CNTN5: variants seen among roughly 807,000 people sequenced by gnomAD.
CNTN5 encodes the protein contactin-5.
In CNTN5, 77 loss-of-function variants were observed where a neutral mutation model predicts 129.1. The observed-to-expected ratio is 0.60, with a 90% CI of 0.50 to 0.72. The LOEUF is 0.72. Among genes scored for constraint, CNTN5 ranks in the 30% least tolerant of loss-of-function variants. The probability of loss-of-function intolerance (pLI) is 0.00; values close to 1 mark genes in which losing one functional copy is unlikely to be tolerated. For synonymous variants in CNTN5, 509 were observed against 465.6 expected, an observed-to-expected ratio of 1.09 and a Z score of -1.20; for missense variants, 1,478 against 1,328.8, an observed-to-expected ratio of 1.11 and a Z score of -1.75.
intron 17 of CNTN5, among the ~76,000 whole-genome samples, chr11:100,258,839 A>T (rs1950133868): frequency 6.6e-6 from 1 of 152,216 alleles, no homozygotes; most frequent in Non-Finnish European, 1.5e-5. Flanking sequence ...CTCTGCAAAA[A>T]CATACCAAAT....
chr11:99,542,738 A>G (rs1394581805), intron 2 of CNTN5, among the ~76,000 whole-genome samples: 1 of 152,186 alleles, frequency 6.6e-6, no homozygotes, highest in Non-Finnish European at 1.5e-5. Flanking sequence ...AAGATTGCCT[A>G]TTAGAGGCAT....
intron 13 of CNTN5, among the ~76,000 whole-genome samples, chr11:100,129,794 A>G (rs1259138848): frequency 6.6e-6 from 1 of 152,016 alleles, no homozygotes; most frequent in Admixed American, 6.6e-5. Context: ...GAAAGCTACA[A>G]TTAGTATGTA....
At chr11:99,272,273 A>G (rs926269068) in intron 1 of CNTN5, among the ~76,000 whole-genome samples, 1 of 151,414 alleles carries the variant, frequency 6.6e-6, no homozygotes, top group Non-Finnish European at 1.5e-5. Flanking sequence ...TTTATATTCA[A>G]TGGAGATCTA....
At chr11:99,431,337 A>T (rs192503658) in intron 2 of CNTN5, among the ~76,000 whole-genome samples, 1 of 152,256 alleles carries the variant, frequency 6.6e-6, no homozygotes, top group East Asian at 1.9e-4. Flanking sequence ...TAGAAGGAGG[A>T]AAAAGCTCAT....
chr11:99,207,731 AACTT>A (rs1168352278), intron 1 of CNTN5, among the ~76,000 whole-genome samples: 21 of 152,308 alleles, frequency 1.4e-4, no homozygotes, highest in Non-Finnish European at 2.8e-4. Flanking sequence ...TTGATAAGAG[AACTT>A]ACTTATTAGA....
chr11:99,404,846 T>C (rs1257471515), intron 2 of CNTN5, among the ~76,000 whole-genome samples: 1 of 152,178 alleles, frequency 6.6e-6, no homozygotes, highest in African/African-American at 2.4e-5. Context: ...TATTGCTCAT[T>C]AATGTTCTTC....
intron 3 of CNTN5, among the ~76,000 whole-genome samples, chr11:99,733,906 G>C (rs1047189597): frequency 3.5e-4 from 54 of 152,292 alleles, no homozygotes; most frequent in African/African-American, 1.1e-3. Flanking sequence ...AAGAGAGCCA[G>C]TTCACCCAGG....
chr11:99,818,122 T>C (rs1034114612), intron 3 of CNTN5, among the ~76,000 whole-genome samples: 1 of 152,232 alleles, frequency 6.6e-6, no homozygotes, highest in Non-Finnish European at 1.5e-5. Flanking sequence ...TTCTAAAATA[T>C]CTCTGTAAGA....
intron 21 of CNTN5, among the ~76,000 whole-genome samples, chr11:100,320,929 T>C (rs1238728431): frequency 3.9e-5 from 6 of 152,220 alleles, no homozygotes; most frequent in Admixed American, 3.9e-4. Context: ...TCTGTTTTTA[T>C]ACCAATAGCA....
intron 2 of CNTN5, among the ~76,000 whole-genome samples, chr11:99,495,885 G>A (rs1236748942): frequency 6.6e-6 from 1 of 152,146 alleles, no homozygotes; most frequent in Non-Finnish European, 1.5e-5. Context: ...TGACTGGGTT[G>A]GGAGACTGAG....
At chr11:100,286,511 G>A (rs1437691141) in intron 18 of CNTN5, among the ~76,000 whole-genome samples, 14 of 146,160 alleles carry the variant, frequency 9.6e-5, no homozygotes, top group South Asian at 2.2e-4. Context: ...CACCTCACAC[G>A]GCAGGGTATT....
intron 7 of CNTN5, among the ~76,000 whole-genome samples, chr11:99,929,839 C>T (rs1174434742): frequency 6.6e-6 from 1 of 152,142 alleles, no homozygotes; most frequent in Non-Finnish European, 1.5e-5. Context: ...GAACAGGGTC[C>T]TTGGTCCTCG....
intron 3 of CNTN5, among the ~76,000 whole-genome samples, chr11:99,769,016 A>G (rs540162450): frequency 6.8e-6 from 1 of 147,680 alleles, no homozygotes; most frequent in South Asian, 2.1e-4. Context: ...TCTGTTTAAA[A>G]GTTCTTTTCT....
intron 1 of CNTN5, among the ~76,000 whole-genome samples, chr11:99,181,492 C>G (rs1257295592): frequency 6.6e-6 from 1 of 152,118 alleles, no homozygotes; most frequent in Non-Finnish European, 1.5e-5. Context: ...GTAGCCCATT[C>G]CTGGGGGCCT....
At chr11:99,105,893 C>G (rs1484073770) in intron 1 of CNTN5, among the ~76,000 whole-genome samples, 1 of 152,030 alleles carries the variant, frequency 6.6e-6, no homozygotes, top group Non-Finnish European at 1.5e-5. Context: ...CTAGGTTTGT[C>G]TATAGACCTG....
chr11:99,935,515 AT>A (rs1021743768), intron 7 of CNTN5, among the ~76,000 whole-genome samples: 3 of 152,006 alleles, frequency 2.0e-5, no homozygotes, highest in Non-Finnish European at 4.4e-5. Flanking sequence ...TTTCAAAAAT[AT>A]TTCTTATTGT....
intron 2 of CNTN5, among the ~76,000 whole-genome samples, chr11:99,487,433 G>A (rs1945860455): frequency 6.6e-6 from 1 of 152,202 alleles, no homozygotes; most frequent in East Asian, 1.9e-4. Flanking sequence ...CTTCTTGTCT[G>A]ATGCCAAGAT....
intron 1 of CNTN5, among the ~76,000 whole-genome samples, chr11:99,072,200 T>C (rs374807033): frequency 6.6e-6 from 1 of 152,220 alleles, no homozygotes; most frequent in South Asian, 2.1e-4. Context: ...GATGAAATTG[T>C]TGAGTTGTCA....
intron 2 of CNTN5, among the ~76,000 whole-genome samples, chr11:99,473,101 A>G (rs1455603920): frequency 6.6e-6 from 1 of 152,186 alleles, no homozygotes; most frequent in Non-Finnish European, 1.5e-5. Flanking sequence ...TTCTATAAAC[A>G]TTCCACTGTA....
Sources: gnomAD v4.1 joint callset for allele counts (sites outside exome capture counted in the v4.1 genomes callset) on GRCh38, gnomAD v4.1.1 for gene constraint, MANE v1.5 for transcripts, NCBI Gene and HGNC (gene_info 2026-07-23, HGNC 2026-07-21) for gene names.